The following PATE1 variants were observed in gnomAD, a reference collection of about 807,000 sequenced individuals.
PATE1 encodes the protein prostate and testis expressed protein 1.
PATE1 carries 21 observed loss-of-function variants against 13.1 expected under a neutral mutation model. The observed-to-expected ratio is 1.61, with a 90% CI of 1.14 to 2.31. The LOEUF (loss-of-function observed/expected upper bound fraction) is 2.31. Ranked by LOEUF, PATE1 falls within the 30% of genes most tolerant of loss-of-function variation. The probability of loss-of-function intolerance (pLI) is 0.00; values close to 1 mark genes in which losing one functional copy is unlikely to be tolerated. For synonymous variants in PATE1, 52 were observed against 47.1 expected, an observed-to-expected ratio of 1.10 and a Z score of -0.43; for missense variants, 166 against 147.2, an observed-to-expected ratio of 1.13 and a Z score of -0.66.
At chr11:125,747,676 C>A in intron 3 of PATE1, 24 bp from the exon 4 acceptor site, 1 of 1,611,606 alleles carries the variant, frequency 6.2e-7, no homozygotes, top group Non-Finnish European at 8.5e-7. Context: ...TTTCTCACTT[C>A]TCTTTCCCCT....
rs564979538 is a variant in PATE1, at chr11:125,746,633, A to G, written c.53-28A>G. The G allele has an allele frequency of 7.9e-5, 128 of 1,613,306 alleles. 2 individuals carry two copies. In the South Asian group the frequency reaches 1.4e-3, roughly 17 times the overall value. ...GGGGTTTGGAAAATGAGGTCTGCAG[A>G]CAGTGTATCTCTTTTTTTTTCCAAC... On this transcript the variant is annotated intron_variant, in intron 1 of 4. Coordinates refer to ENST00000305738, the MANE Select transcript of PATE1 (RefSeq NM_138294.3).
At chr11:125,747,123 C>A (rs2134164659) in intron 2 of PATE1, among the ~76,000 whole-genome samples, 1 of 152,230 alleles carries the variant, frequency 6.6e-6, no homozygotes, top group Middle Eastern at 3.4e-3. Flanking sequence ...TCTTTCTCCT[C>A]CTGGTCTGTG....
chr11:125,746,516 G>C, intron 1 of PATE1, 145 bp from the exon 2 acceptor site: 1 of 1,295,158 alleles, frequency 7.7e-7, no homozygotes, highest in Non-Finnish European at 1.1e-6. Context: ...CATGTCCCCA[G>C]GACCTTAACT....
chr11:125,747,777 A>C lies in PATE1; in HGVS notation c.202A>C (p.Thr68Pro), dbSNP rs772909044. ...EKCSRGRGICTATTEEACMVG... is the reference protein window; with the variant it reads ...EKCSRGRGICPATTEEACMVG... ...GTGCTCCAGAGGAAGAGGAATATGC[A>C]CAGCAACAACAGAAGAGGCCTGCAT... The change falls in exon 4 of 5, where the codon ACA becomes CCA. Residue 68 changes from threonine (T) to proline (P), a missense_variant. Transcript: ENST00000305738. The C allele has an allele frequency of 1.9e-6, 3 of 1,613,972 alleles. No individual in the cohort carries two copies. The highest frequency in any genetic ancestry group is 2.2e-5 in the South Asian group (2 of 91,086).
chr11:125,747,857 G>A (rs1205433461), intron 4 of PATE1, 35 bp downstream of exon 4: 2 of 1,612,878 alleles, frequency 1.2e-6, no homozygotes, highest in Non-Finnish European at 8.5e-7. Context: ...AGAACGGGCA[G>A]AGGACGTATA....
In PATE1 at chr11:125,748,081, G is replaced by A. The variant is rs1389142243; in HGVS notation, c.247+259G>A. On this transcript the variant is annotated intron_variant, in intron 4 of 4. Coordinates refer to ENST00000305738, the MANE Select transcript of PATE1 (RefSeq NM_138294.3). ...CAGAGGAGAATAAATCAAGGTAAGAGAATAGGTGTAATCTATGCCCAATGG... is the reference window on the plus strand; with the variant it reads ...CAGAGGAGAATAAATCAAGGTAAGAAAATAGGTGTAATCTATGCCCAATGG... 20 of 477,154 alleles carry A rather than the reference G, an allele frequency of 4.2e-5. No homozygotes were observed. The East Asian group carries it at 7.8e-4, about 19-fold the overall frequency. 29.6% of individuals were successfully genotyped at this position (477,154 alleles called of 1,614,324 possible).
intron 4 of PATE1, 81 bp downstream of exon 4, chr11:125,747,903 T>G: frequency 4.4e-6 from 7 of 1,573,178 alleles, no homozygotes; most frequent in African/African-American, 1.4e-5. Context: ...AGGAGAGATC[T>G]TACTTTACTT....
At chr11:125,747,885 C>T in intron 4 of PATE1, 63 bp downstream of exon 4, 4 of 1,603,450 alleles carry the variant, frequency 2.5e-6, no homozygotes, top group Non-Finnish European at 3.4e-6. Flanking sequence ...GTATCAGCCA[C>T]AGGGGAAAGG....
At chr11:125,747,617 G>C (rs150820427) in intron 3 of PATE1, 83 bp from the exon 4 acceptor site, 26,851 of 1,578,682 alleles carry the variant, frequency 0.017, 265 homozygotes, top group Non-Finnish European at 0.02. Context: ...GCTCTAGGCA[G>C]ACTTCTAACC....
At position 125,747,769 on chromosome 11, in the gene PATE1, G is replaced by T; in HGVS notation, c.194G>T (p.Gly65Val). ...GGAGAAAAGTGCTCCAGAGGAAGAG[G>T]AATATGCACAGCAACAACAGAAGAG... ...FPGEKCSRGRGICTATTEEAC... is the reference protein window; with the variant it reads ...FPGEKCSRGRVICTATTEEAC... The change falls in exon 4 of 5, where the codon GGA becomes GTA. Residue 65 changes from glycine to valine, a missense_variant. Gly to Val is a moderately radical substitution (Grantham distance 109). Coordinates refer to ENST00000305738, the MANE Select transcript of PATE1 (RefSeq NM_138294.3). 1 of 1,613,962 alleles carries T rather than the reference G, an allele frequency of 6.2e-7. No homozygotes were observed. Among genetic ancestry groups the T allele is most frequent in the South Asian group, 1.1e-5 (1 of 91,082 alleles).
At chr11:125,748,574 T>C (rs1417760440) in intron 4 of PATE1, 26 bp from the exon 5 acceptor site, 5 of 1,606,560 alleles carry the variant, frequency 3.1e-6, no homozygotes, top group African/African-American at 1.3e-5. Context: ...CCAGGCTTCC[T>C]GATCTGTTTT....
At position 125,748,840 on chromosome 11, in the gene PATE1, G is replaced by A; in HGVS notation, c.*107G>A. On this transcript the variant is annotated 3_prime_UTR_variant, in exon 5 of 5. Coordinates refer to ENST00000305738, the MANE Select transcript of PATE1 (RefSeq NM_138294.3). ...CACACACACACACACACACACTACA[G>A]AAGAGGATTGCAAACACATGGCTCC... is the stretch of plus-strand genomic sequence containing the variant. The A allele has an allele frequency of 8.5e-7, 1 of 1,171,058 alleles. No individual in the cohort carries two copies. Among genetic ancestry groups the A allele is most frequent in the Non-Finnish European group, 1.2e-6 (1 of 861,624 alleles). The allele number at this position is 1,171,058 out of a possible 1,614,324, so 72.5% of individuals were successfully genotyped here.
intron 4 of PATE1, chr11:125,748,137 G>T: frequency 2.9e-6 from 1 of 342,342 alleles, no homozygotes; most frequent in Non-Finnish European, 5.4e-6. Flanking sequence ...TGTGGAGGGG[G>T]CTTTTGGTTC....
intron 1 of PATE1, 73 bp downstream of exon 1, chr11:125,746,429 C>T: frequency 6.6e-7 from 1 of 1,511,924 alleles, no homozygotes; most frequent in Non-Finnish European, 9.2e-7. Flanking sequence ...TGACAGAGGC[C>T]TTCTCATGGG....
intron 1 of PATE1, 139 bp from the exon 2 acceptor site, chr11:125,746,522 T>C: frequency 7.6e-7 from 1 of 1,310,556 alleles, no homozygotes; most frequent in African/African-American, 1.5e-5. Context: ...CCCAGGACCT[T>C]AACTAAAGCT....
Position 125,748,796 on chromosome 11 carries a change from A to G in PATE1, c.*63A>G, listed in dbSNP as rs1411142082. On this transcript the variant is annotated 3_prime_UTR_variant, in exon 5 of 5. Coordinates refer to ENST00000305738, the MANE Select transcript of PATE1 (RefSeq NM_138294.3). ...AGGTTGTTGCCTCAGCCTCTTCACA[A>G]TGACTTTCTAAAAAAAATCACACAC... is the stretch of plus-strand genomic sequence containing the variant. The G allele has an allele frequency of 6.4e-7, 1 of 1,564,002 alleles. No individual in the cohort carries two copies.
chr11:125,748,884 G>T lies in PATE1; in HGVS notation c.*151G>T, dbSNP rs535761361. On this transcript the variant is annotated 3_prime_UTR_variant, in exon 5 of 5. Transcript: ENST00000305738. Reference sequence around the variant, plus strand: ...TGGCTCCATCTTCTGCACACGAAAGGAAAGTCCCTCTCCTTTTCTACAGTC... The same window carrying T: ...TGGCTCCATCTTCTGCACACGAAAGTAAAGTCCCTCTCCTTTTCTACAGTC... 67 of 936,040 alleles carry T rather than the reference G, an allele frequency of 7.2e-5. 1 individual carries two copies. The African/African-American group carries it at 9.8e-4, about 14-fold the overall frequency. The allele number at this position is 936,040 out of a possible 1,614,324, so 58.0% of individuals were successfully genotyped here.
Position 125,746,315 on chromosome 11 carries a change from C to A in PATE1, c.11C>A (p.Ser4Tyr). 6.2e-7 allele frequency: 1 copy of A among 1,613,940 alleles called. No homozygotes were observed. Among genetic ancestry groups the A allele is most frequent in the Non-Finnish European group, 8.5e-7 (1 of 1,179,852 alleles). MDK[S>Y]LLLELPILLC... Reference sequence around the variant, plus strand: ...CTCCCTCTTTCCAAAATGGACAAGTCCCTCTTGCTGGAACTCCCCATCCTG... The same window carrying A: ...CTCCCTCTTTCCAAAATGGACAAGTACCTCTTGCTGGAACTCCCCATCCTG... The change falls in exon 1 of 5, where the codon TCC (serine) becomes TAC (tyrosine). Residue 4 changes from serine (S) to tyrosine (Y), a missense_variant. Coordinates refer to ENST00000305738, the MANE Select transcript of PATE1 (RefSeq NM_138294.3).
intron 4 of PATE1, chr11:125,748,081 G>T (rs1389142243): frequency 1.5e-5 from 7 of 477,154 alleles, no homozygotes; most frequent in Non-Finnish European, 2.3e-5. Context: ...CAAGGTAAGA[G>T]AATAGGTGTA....
Sources: gnomAD v4.1 joint callset for allele counts (sites outside exome capture counted in the v4.1 genomes callset) on GRCh38, gnomAD v4.1.1 for gene constraint, MANE v1.5 for transcripts, NCBI Gene and HGNC (gene_info 2026-07-23, HGNC 2026-07-21) for gene names.